ATP8A2: variants seen among roughly 807,000 people sequenced by gnomAD.
The protein encoded by ATP8A2 is phospholipid-transporting ATPase IB.
ATP8A2 carries 100 observed loss-of-function variants against 165.6 expected under a neutral mutation model. The ratio of observed to expected loss-of-function variants is 0.60; its 90% CI spans 0.51 to 0.71. ATP8A2 has a LOEUF of 0.71. Among genes scored for constraint, ATP8A2 ranks in the 30% least tolerant of loss-of-function variants. The probability of loss-of-function intolerance (pLI) is 0.00; values close to 1 mark genes in which losing one functional copy is unlikely to be tolerated. For synonymous variants in ATP8A2, 543 were observed against 548.8 expected, an observed-to-expected ratio of 0.99 and a Z score of 0.15; for missense variants, 1,227 against 1,479.5, an observed-to-expected ratio of 0.83 and a Z score of 2.80.
chr13:26,014,035 C>T (rs938118129), intron 36 of ATP8A2, among the ~76,000 whole-genome samples: 7 of 152,168 alleles, frequency 4.6e-5, no homozygotes, highest in African/African-American at 1.7e-4. Flanking sequence ...GCCATGAGGT[C>T]TGGATTGCAG....
chr13:26,018,374 G>GATCT (rs1282828131), intron 36 of ATP8A2, among the ~76,000 whole-genome samples: 2 of 152,212 alleles, frequency 1.3e-5, no homozygotes, highest in Non-Finnish European at 1.5e-5. Flanking sequence ...TGATACTCTA[G>GATCT]AAATTTCCTT....
At chr13:25,994,769 T>A (rs1325307367) in intron 35 of ATP8A2, among the ~76,000 whole-genome samples, 1 of 152,166 alleles carries the variant, frequency 6.6e-6, no homozygotes, top group Non-Finnish European at 1.5e-5. Context: ...TGTTGATGAA[T>A]TGCACTTACT....
At chr13:25,692,243 G>A (rs1214786938) in intron 24 of ATP8A2, among the ~76,000 whole-genome samples, 1 of 152,236 alleles carries the variant, frequency 6.6e-6, no homozygotes, top group Non-Finnish European at 1.5e-5. Flanking sequence ...AAGGGAGTCT[G>A]CTCTGGAACT....
At chr13:25,395,508 C>A (rs1593249611) in intron 1 of ATP8A2, among the ~76,000 whole-genome samples, 1 of 151,974 alleles carries the variant, frequency 6.6e-6, no homozygotes, top group African/African-American at 2.4e-5. Context: ...AGAATAAAGA[C>A]CAAAAGATAA....
At chr13:25,419,393 A>G (rs1442091285) in intron 1 of ATP8A2, among the ~76,000 whole-genome samples, 11 of 152,210 alleles carry the variant, frequency 7.2e-5, no homozygotes, top group South Asian at 2.1e-4. Context: ...TAAAAAAGGC[A>G]GGTTAATAAG....
intron 35 of ATP8A2, among the ~76,000 whole-genome samples, chr13:25,981,271 G>T (rs543347507): frequency 1.2e-4 from 18 of 152,090 alleles, no homozygotes; most frequent in Non-Finnish European, 1.9e-4. Flanking sequence ...CCAACAGTTT[G>T]TGTACACACT....
chr13:25,730,096 C>T (rs547072617), intron 25 of ATP8A2, among the ~76,000 whole-genome samples: 8 of 152,116 alleles, frequency 5.3e-5, no homozygotes, highest in Non-Finnish European at 8.8e-5. Flanking sequence ...TTGAGACCAG[C>T]GTGAACAATA....
rs373663072 is a variant in ATP8A2, at chr13:25,530,015, G to C, written c.238G>C (p.Val80Leu). ...CACTTACAGTACGGCCAAGTACAGC[G>C]TGTTGACATTTCTACCTCGATTCTT... ...DNQISTAKYS[V>L]LTFLPRFLYE... is the part of the protein sequence containing the mutation. The change falls in exon 3 of 37, where the codon GTG becomes CTG. Residue 80 changes from valine (V) to leucine (L), a missense_variant. Val to Leu is a conservative substitution (Grantham distance 32). Coordinates refer to ENST00000381655, the MANE Select transcript of ATP8A2 (RefSeq NM_016529.6). The C allele has an allele frequency of 6.2e-7, 1 of 1,610,570 alleles. No individual in the cohort carries two copies. Among genetic ancestry groups the C allele is most frequent in the Non-Finnish European group, 8.5e-7 (1 of 1,177,200 alleles).
chr13:25,504,494 A>G (rs2036962658), intron 2 of ATP8A2, among the ~76,000 whole-genome samples: 1 of 138,486 alleles, frequency 7.2e-6, no homozygotes, highest in African/African-American at 2.7e-5. Context: ...TAATCCCAGC[A>G]CTTTGGGAGG....
intron 2 of ATP8A2, among the ~76,000 whole-genome samples, chr13:25,482,256 G>A (rs925451019): frequency 5.9e-5 from 9 of 152,130 alleles, no homozygotes; most frequent in Non-Finnish European, 1.3e-4. Context: ...TTAGGCCCCA[G>A]GAACTCTGAG....
Position 25,837,144 on chromosome 13 carries a change from C to T in ATP8A2, c.2755-19C>T, listed in dbSNP as rs1189104656. 2 of 1,609,060 alleles carry T rather than the reference C, an allele frequency of 1.2e-6. No individual in the cohort carries two copies. Among genetic ancestry groups the T allele is most frequent in the Non-Finnish European group, 1.7e-6 (2 of 1,177,690 alleles). ...GGATCCGAAGGGCTGCTTTTAATGGCTCATTGTTCTCCCTGCAGATTTTCA... is the reference window on the plus strand; with the variant it reads ...GGATCCGAAGGGCTGCTTTTAATGGTTCATTGTTCTCCCTGCAGATTTTCA... On this transcript the variant is annotated intron_variant, in intron 28 of 36. Coordinates refer to ENST00000381655, the MANE Select transcript of ATP8A2 (RefSeq NM_016529.6).
chr13:25,997,109 G>A (rs77858041), intron 35 of ATP8A2, among the ~76,000 whole-genome samples: 2,936 of 152,302 alleles, frequency 0.019, 82 homozygotes, highest in African/African-American at 0.06. Flanking sequence ...GTGAGCCACC[G>A]TGCCCCCACC....
chr13:25,575,831 G>T (rs1315250285), intron 19 of ATP8A2, among the ~76,000 whole-genome samples: 2 of 152,102 alleles, frequency 1.3e-5, no homozygotes, highest in Non-Finnish European at 2.9e-5. Context: ...ATTGGAAACT[G>T]TGCAGTGCCC....
chr13:25,548,883 C>T (rs1425079053), intron 10 of ATP8A2, among the ~76,000 whole-genome samples: 1 of 152,158 alleles, frequency 6.6e-6, no homozygotes, highest in Non-Finnish European at 1.5e-5. Flanking sequence ...TTTGGTTTGC[C>T]AATAGAATTC....
intron 27 of ATP8A2, among the ~76,000 whole-genome samples, chr13:25,789,221 T>A (rs1470556138): frequency 1.3e-5 from 2 of 152,200 alleles, no homozygotes; most frequent in African/African-American, 4.8e-5. Flanking sequence ...GCATATGCAG[T>A]CACTACAATT....
intron 27 of ATP8A2, among the ~76,000 whole-genome samples, chr13:25,797,590 C>T (rs954643814): frequency 4.6e-5 from 7 of 152,054 alleles, no homozygotes; most frequent in African/African-American, 1.2e-4. Context: ...TGTTAAGGCC[C>T]GTGTTCCCAC....
At chr13:25,846,278 A>C (rs1951862899) in intron 30 of ATP8A2, among the ~76,000 whole-genome samples, 1 of 152,204 alleles carries the variant, frequency 6.6e-6, no homozygotes, top group Non-Finnish European at 1.5e-5. Flanking sequence ...TCCCACCCTC[A>C]TGGAACTGAC....
intron 25 of ATP8A2, among the ~76,000 whole-genome samples, chr13:25,729,197 T>G (rs1323589203): frequency 1.3e-5 from 2 of 152,252 alleles, no homozygotes; most frequent in Non-Finnish European, 2.9e-5. Flanking sequence ...AGTTCCCCTG[T>G]GCTCTTCCAC....
In ATP8A2 at chr13:25,729,917, T is replaced by C. The variant is rs11619440; in HGVS notation, c.2384+30572T>C. Among the ~76,000 whole-genome samples the C allele has an allele frequency of 2.2e-3, 340 of 152,320 alleles. 2 individuals are homozygous for C. Among genetic ancestry groups the C allele is most frequent in the South Asian group, 9.1e-3 (44 of 4,832 alleles). ...GATTGCTTTCCCTCTGAGTCTTTAA[T>C]CTGATAATGTGCATTCTGCCAGAAG... On this transcript the variant is annotated intron_variant, in intron 25 of 36. Transcript: ENST00000381655.
Sources: gnomAD v4.1 joint callset for allele counts (sites outside exome capture counted in the v4.1 genomes callset) on GRCh38, gnomAD v4.1.1 for gene constraint, MANE v1.5 for transcripts, NCBI Gene and HGNC (gene_info 2026-07-23, HGNC 2026-07-21) for gene names.